The following CHRM5 variants were observed in gnomAD, a reference collection of about 807,000 sequenced individuals.
CHRM5 encodes the protein cholinergic receptor muscarinic 5, also known as muscarinic acetylcholine receptor M5.
In CHRM5, 18 loss-of-function variants were observed where a neutral mutation model predicts 39.0. The observed-to-expected ratio is 0.46, with a 90% CI of 0.32 to 0.68. The LOEUF is 0.68. Among genes scored for constraint, CHRM5 ranks in the 30% least tolerant of loss-of-function variants. The pLI is 0.04. For synonymous variants in CHRM5, 241 were observed against 246.3 expected (o/e 0.98, Z 0.20); for missense variants, 515 against 651.1 (o/e 0.79, Z 2.28).
chr15:34,005,853 T>C (rs1218545455), intron 1 of CHRM5, among the ~76,000 whole-genome samples: 1 of 152,208 alleles, frequency 6.6e-6, no homozygotes, highest in African/African-American at 2.4e-5. Context: ...TAAGCCTCCC[T>C]GTCAAAACAA....
At chr15:33,979,095 C>T (rs1039125719) in intron 1 of CHRM5, among the ~76,000 whole-genome samples, 4 of 152,122 alleles carry the variant, frequency 2.6e-5, no homozygotes, top group Admixed American at 2.6e-4. Context: ...AATAAAGAAC[C>T]GTTTACTTCC....
chr15:34,025,354 G>GCCTA (rs1365835598), intron 1 of CHRM5, among the ~76,000 whole-genome samples: 6 of 152,292 alleles, frequency 3.9e-5, no homozygotes, highest in South Asian at 2.1e-4. Context: ...TCGACAAGAA[G>GCCTA]TTTAGAGAAA....
intron 1 of CHRM5, among the ~76,000 whole-genome samples, chr15:34,035,536 T>C (rs1257370803): frequency 6.6e-6 from 1 of 152,160 alleles, no homozygotes; most frequent in Non-Finnish European, 1.5e-5. Flanking sequence ...CTCAGCAATT[T>C]TCTGGTTGAG....
chr15:34,043,554 G>A (rs1045599691), intron 1 of CHRM5, among the ~76,000 whole-genome samples: 14 of 152,150 alleles, frequency 9.2e-5, no homozygotes, highest in Non-Finnish European at 1.8e-4. Flanking sequence ...TACAGGGGGA[G>A]AGACTCTGGC....
At position 33,968,795 on chromosome 15, in the gene CHRM5, G is replaced by C. The variant is rs569182928; in HGVS notation, c.-763G>C. ...AATACGAACAAGCAGAACTTTTCCA[G>C]GGGGTCAAATGCATATAGGAACAAC... is the stretch of plus-strand genomic sequence containing the variant. On this transcript the variant is annotated 5_prime_UTR_variant, in exon 1 of 3. Transcript: ENST00000383263. 1 of 152,034 alleles carries C rather than the reference G, an allele frequency of 6.6e-6. No homozygotes were observed. Among genetic ancestry groups the C allele is most frequent in the Non-Finnish European group, 1.5e-5 (1 of 67,970 alleles). The allele number at this position is 152,034 out of a possible 1,614,324, so 9.4% of individuals were successfully genotyped here.
chr15:34,019,033 T>A (rs1186715372), intron 1 of CHRM5, among the ~76,000 whole-genome samples: 1 of 151,710 alleles, frequency 6.6e-6, no homozygotes, highest in Admixed American at 6.6e-5. Context: ...GAGCGCTGAT[T>A]GGTGCGTTTT....
At chr15:33,977,538 C>T (rs537859369) in intron 1 of CHRM5, among the ~76,000 whole-genome samples, 2 of 152,300 alleles carry the variant, frequency 1.3e-5, no homozygotes, top group Admixed American at 1.3e-4. Flanking sequence ...CTCGTGGCCT[C>T]ACTGAGCACC....
intron 1 of CHRM5, among the ~76,000 whole-genome samples, chr15:34,017,685 G>A (rs1042422394): frequency 1.3e-5 from 2 of 151,892 alleles, no homozygotes; most frequent in African/African-American, 4.8e-5. Context: ...TCACCATGTT[G>A]GCCAGGCAGG....
intron 1 of CHRM5, among the ~76,000 whole-genome samples, chr15:33,975,345 G>C (rs947416915): frequency 6.6e-6 from 1 of 152,180 alleles, no homozygotes; most frequent in Non-Finnish European, 1.5e-5. Context: ...ATTTTCTAGA[G>C]CAAGAGGGCA....
At chr15:33,977,823 A>T (rs572657061) in intron 1 of CHRM5, among the ~76,000 whole-genome samples, 1 of 152,196 alleles carries the variant, frequency 6.6e-6, no homozygotes, top group East Asian at 1.9e-4. Context: ...GTGTAATTCT[A>T]ACACTTTGGA....
intron 1 of CHRM5, among the ~76,000 whole-genome samples, chr15:34,014,976 G>C (rs901930363): frequency 3.9e-5 from 6 of 152,064 alleles, no homozygotes; most frequent in Non-Finnish European, 8.8e-5. Context: ...TGAGAAGCAG[G>C]GACCATCTTT....
chr15:34,061,951 C>G (rs1280709194), intron 2 of CHRM5, among the ~76,000 whole-genome samples: 1 of 152,128 alleles, frequency 6.6e-6, no homozygotes, highest in African/African-American at 2.4e-5. Flanking sequence ...TATTTATCAC[C>G]AGGATCTTAA....
At chr15:34,006,745 A>T (rs1789802895) in intron 1 of CHRM5, among the ~76,000 whole-genome samples, 1 of 152,188 alleles carries the variant, frequency 6.6e-6, no homozygotes, top group Non-Finnish European at 1.5e-5. Flanking sequence ...AAATGCAGAG[A>T]CAGAGTTGTC....
chr15:34,033,988 T>C (rs1038174967), intron 1 of CHRM5, among the ~76,000 whole-genome samples: 7 of 152,108 alleles, frequency 4.6e-5, no homozygotes, highest in Non-Finnish European at 8.8e-5. Flanking sequence ...GGTTTCACCA[T>C]TTTGGCCAGG....
chr15:34,035,063 C>T (rs1239507644), intron 1 of CHRM5, among the ~76,000 whole-genome samples: 2 of 152,140 alleles, frequency 1.3e-5, no homozygotes, highest in African/African-American at 2.4e-5. Flanking sequence ...CAGGTTCACA[C>T]TAAACTTGAA....
At chr15:33,999,145 G>A (rs2140608308) in intron 1 of CHRM5, among the ~76,000 whole-genome samples, 1 of 152,314 alleles carries the variant, frequency 6.6e-6, no homozygotes, top group East Asian at 1.9e-4. Context: ...GCTTCCAGTA[G>A]GTTAGACTTA....
chr15:34,020,603 C>G, intron 1 of CHRM5, among the ~76,000 whole-genome samples: 1 of 152,316 alleles, frequency 6.6e-6, no homozygotes, highest in Middle Eastern at 3.4e-3. Context: ...ACTGCACTTT[C>G]ATTAGTACTT....
At chr15:34,015,698 T>C (rs1365755007) in intron 1 of CHRM5, among the ~76,000 whole-genome samples, 1 of 152,090 alleles carries the variant, frequency 6.6e-6, no homozygotes, top group Non-Finnish European at 1.5e-5. Flanking sequence ...AGAGAGACTC[T>C]AACAGACAAA....
At chr15:33,989,355 T>A (rs183165043) in intron 1 of CHRM5, among the ~76,000 whole-genome samples, 65 of 152,220 alleles carry the variant, frequency 4.3e-4, no homozygotes, top group African/African-American at 1.5e-3. Flanking sequence ...GTATAGAACT[T>A]TATAATTTGT....
Sources: gnomAD v4.1 joint callset for allele counts (sites outside exome capture counted in the v4.1 genomes callset) on GRCh38, gnomAD v4.1.1 for gene constraint, MANE v1.5 for transcripts, NCBI Gene and HGNC (gene_info 2026-07-23, HGNC 2026-07-21) for gene names.